The following PXDC1 variants were observed in gnomAD, a reference collection of about 807,000 sequenced individuals.
The protein encoded by PXDC1 is PX domain-containing protein 1.
A neutral mutation model predicts 24.4 loss-of-function variants in PXDC1; 13 were observed. The observed-to-expected ratio is 0.53, with a 90% CI of 0.35 to 0.85. The LOEUF is 0.85. Among genes scored for constraint, PXDC1 ranks in the 40% least tolerant of loss-of-function variants. PXDC1 has a pLI of 0.01. For synonymous variants in PXDC1, 162 were observed against 124.9 expected, an observed-to-expected ratio of 1.30 and a Z score of -1.98; for missense variants, 344 against 309.3, an observed-to-expected ratio of 1.11 and a Z score of -0.84.
chr6:3,751,216 C>T, intron 1 of PXDC1, 60 bp downstream of exon 1: 1 of 1,271,460 alleles, frequency 7.9e-7, no homozygotes, highest in Non-Finnish European at 1.0e-6. Flanking sequence ...TTCCCCGCCT[C>T]CTTCGTGCAC....
chr6:3,737,114 A>C lies in PXDC1; in HGVS notation c.431T>G (p.Ile144Ser), dbSNP rs761032040. Residue 144 changes from isoleucine to serine, a missense_variant, in exon 3 of 5, where the codon ATT becomes AGT. Coordinates refer to ENST00000380283, the MANE Select transcript of PXDC1 (RefSeq NM_183373.4). This position sits in a 1 kb window ranked among gnomAD's most constrained non-coding sequence, Gnocchi z 5.5. ...QVLKNDNVHK[I>S]QPSFQSPVKI... ...GACTGGACTTTGAAAGCTGGGTTGA[A>C]TTTTATGCACATTATCATTTTTTAA... The C allele has an allele frequency of 8.7e-6, 14 of 1,613,504 alleles. No homozygotes were observed. In the East Asian group the frequency reaches 3.1e-4, roughly 36 times the overall value.
At position 3,723,739 on chromosome 6, in the gene PXDC1, G is replaced by A; in HGVS notation, c.579-3C>T. The A allele has an allele frequency of 6.2e-7, 1 of 1,611,266 alleles. No homozygotes were observed. Among genetic ancestry groups the A allele is most frequent in the Non-Finnish European group, 8.5e-7 (1 of 1,177,364 alleles). Reference sequence around the variant, plus strand: ...GAAACTCACTGCCATTCTCAAATCTGAAATTAGAGAAACCAGAGGTGAGGG... The same window carrying A: ...GAAACTCACTGCCATTCTCAAATCTAAAATTAGAGAAACCAGAGGTGAGGG... On this transcript the variant is annotated splice_polypyrimidine_tract_variant and splice_region_variant and intron_variant, in intron 4 of 4. Transcript: ENST00000380283.
rs1048121512 is a variant in PXDC1, at chr6:3,751,441, G to A, written c.91C>T (p.Arg31Trp). The change falls in exon 1 of 5, where the codon CGG becomes TGG. Residue 31 changes from arginine to tryptophan, a missense_variant. Coordinates refer to ENST00000380283, the MANE Select transcript of PXDC1 (RefSeq NM_183373.4). ...AAGAACTCCTCTTCGTCGCCGCGCC[G>A]GCTGACGATGAGCCTGCGGATGCCG... is the stretch of plus-strand genomic sequence containing the variant. Reference protein sequence around the residue: ...VNGIRRLIVSRRGDEEEFFEI... With the variant: ...VNGIRRLIVSWRGDEEEFFEI... The A allele has an allele frequency of 1.3e-5, 20 of 1,595,538 alleles. No individual in the cohort carries two copies. The highest frequency in any genetic ancestry group is 1.7e-4 in the Middle Eastern group (1 of 6,044).
rs758857707 is a variant in PXDC1, at chr6:3,723,640, G to A, written c.675C>T (p.Phe225=). The A allele has an allele frequency of 2.3e-5, 37 of 1,613,864 alleles. No individual in the cohort carries two copies. The highest frequency in any genetic ancestry group is 2.7e-5 in the Non-Finnish European group (32 of 1,179,868). Residue 225 remains phenylalanine (F), a synonymous_variant, in exon 5 of 5, where the codon TTC becomes TTT. Transcript: ENST00000380283. ...AGGTTCAGTCCCAAATGTCTGTCTC[G>A]AAGGGGACCAGGTGGTAATATGACA... ...TNLSYYHLVP[F]ETDIWD
In PXDC1 at chr6:3,751,496, C is replaced by T. The variant is rs1210604642; in HGVS notation, c.36G>A (p.Val12=). 3.7e-6 allele frequency: 6 copies of T among 1,603,016 alleles called. No homozygotes were observed. The highest frequency in any genetic ancestry group is 2.3e-5 in the East Asian group (1 of 44,346). The change falls in exon 1 of 5, where the codon GTG becomes GTA. Residue 12 remains valine (V), a synonymous_variant. Coordinates refer to ENST00000380283, the MANE Select transcript of PXDC1 (RefSeq NM_183373.4). Reference sequence around the variant, plus strand: ...CCCAGCAGCCGCGCACGAACATGTTCACGAGCGACGTGCCCTCAAACACCG... The same window carrying T: ...CCCAGCAGCCGCGCACGAACATGTTTACGAGCGACGTGCCCTCAAACACCG... ...ASAVFEGTSL[V]NMFVRGCWVN...
chr6:3,738,194 A>T, intron 1 of PXDC1, 46 bp from the exon 2 acceptor site: 3 of 1,448,822 alleles, frequency 2.1e-6, no homozygotes, highest in Non-Finnish European at 2.9e-6. Flanking sequence ...GCACACCAGG[A>T]AACGCGCTCC....
chr6:3,731,472 C>A (rs751960372), intron 3 of PXDC1, among the ~76,000 whole-genome samples: 3 of 152,258 alleles, frequency 2.0e-5, no homozygotes. Flanking sequence ...ACATACATGA[C>A]TGATTCCATG....
At chr6:3,733,493 C>G (rs1458830622) in intron 3 of PXDC1, among the ~76,000 whole-genome samples, 2 of 152,174 alleles carry the variant, frequency 1.3e-5, no homozygotes, top group Non-Finnish European at 2.9e-5. Flanking sequence ...AAGAAGCTCC[C>G]TTAGACACAG....
At chr6:3,729,504 C>A (rs1242621507) in intron 3 of PXDC1, among the ~76,000 whole-genome samples, 1 of 152,148 alleles carries the variant, frequency 6.6e-6, no homozygotes, top group Non-Finnish European at 1.5e-5. Flanking sequence ...GGCTGCAGGT[C>A]CTGAGAAGGA....
intron 3 of PXDC1, 45 bp from the exon 4 acceptor site, chr6:3,727,707 C>G: frequency 7.3e-7 from 1 of 1,365,472 alleles, no homozygotes; most frequent in Non-Finnish European, 1.0e-6. Context: ...GGGGTCGGAG[C>G]TTGAGGTTTT....
intron 3 of PXDC1, among the ~76,000 whole-genome samples, chr6:3,734,885 G>T (rs982160738): frequency 6.6e-6 from 1 of 152,124 alleles, no homozygotes; most frequent in Admixed American, 6.5e-5. Context: ...AGGAGTTTCA[G>T]ACCAGCTTGG....
At chr6:3,749,467 A>T (rs1171219164) in intron 1 of PXDC1, among the ~76,000 whole-genome samples, 1 of 146,316 alleles carries the variant, frequency 6.8e-6, no homozygotes, top group East Asian at 2.0e-4. Flanking sequence ...CTGCGTGTCC[A>T]CACAGCTTGT....
Position 3,737,329 on chromosome 6 carries a change from C to T in PXDC1, c.349-133G>A. 2 of 682,614 alleles carry T rather than the reference C, an allele frequency of 2.9e-6. No homozygotes were observed. 42.3% of individuals were successfully genotyped at this position (682,614 alleles called of 1,614,324 possible). A position where few individuals can be genotyped will look rare whatever the true frequency, so the allele number is the denominator to read the frequency against. ...CAAACGCCCCATGAATGTCCAGATG[C>T]TCCCATGGCTGGCCGCAGGGGCGGG... is the stretch of plus-strand genomic sequence containing the variant. On this transcript the variant is annotated intron_variant, in intron 2 of 4. Coordinates refer to ENST00000380283, the MANE Select transcript of PXDC1 (RefSeq NM_183373.4). This position sits in a 1 kb window ranked among gnomAD's most constrained non-coding sequence, Gnocchi z 5.5.
At position 3,728,189 on chromosome 6, in the gene PXDC1, C is replaced by T. The variant is rs1290149296; in HGVS notation, c.467-527G>A. On this transcript the variant is annotated intron_variant, in intron 3 of 4. Transcript: ENST00000380283. The surrounding 1 kb of genome is among the most constrained non-coding windows in gnomAD (Gnocchi z 4.0). The stretch of plus-strand genomic sequence containing the variant: ...GGGTTACAGGTGGGTCTTGGTTACA[C>T]GGATAAGTTCTTTAGCGGTGATTTC... 6.6e-6 allele frequency among the ~76,000 whole-genome samples: 1 copy of T among 152,136 alleles called. No homozygotes were observed. Among genetic ancestry groups the T allele is most frequent in the African/African-American group, 2.4e-5 (1 of 41,408 alleles).
At position 3,724,501 on chromosome 6, in the gene PXDC1, A is replaced by C. The variant is rs1184291656; in HGVS notation, c.579-765T>G. On this transcript the variant is annotated intron_variant, in intron 4 of 4. Coordinates refer to ENST00000380283, the MANE Select transcript of PXDC1 (RefSeq NM_183373.4). The surrounding 1 kb of genome is among the most constrained non-coding windows in gnomAD (Gnocchi z 4.5). ...GGTCTTTAAAAATGCGTAACAGAGA[A>C]AAGCACAAGAAGGACATTCTCCCCA... 2.0e-5 allele frequency among the ~76,000 whole-genome samples: 3 copies of C among 152,210 alleles called. No individual in the cohort carries two copies. The highest frequency in any genetic ancestry group is 4.4e-5 in the Non-Finnish European group (3 of 68,036).
intron 1 of PXDC1, among the ~76,000 whole-genome samples, chr6:3,747,320 T>TG (rs1268307431): frequency 6.6e-6 from 1 of 152,116 alleles, no homozygotes; most frequent in African/African-American, 2.4e-5. Flanking sequence ...TCCCACCTGC[T>TG]CTGCTGCACC....
At chr6:3,750,300 G>A (rs953102004) in intron 1 of PXDC1, among the ~76,000 whole-genome samples, 1 of 152,202 alleles carries the variant, frequency 6.6e-6, no homozygotes, top group South Asian at 2.1e-4. Context: ...CTGCTTAGAG[G>A]AGGACTGCAG....
chr6:3,749,837 A>T (rs1316150091), intron 1 of PXDC1, among the ~76,000 whole-genome samples: 5 of 152,196 alleles, frequency 3.3e-5, no homozygotes, highest in Admixed American at 3.3e-4. Flanking sequence ...GACCACAGTG[A>T]AGCTCAGGGA....
At position 3,737,033 on chromosome 6, in the gene PXDC1, C is replaced by A; in HGVS notation, c.466+46G>T. The A allele has an allele frequency of 8.8e-7, 1 of 1,134,242 alleles. No homozygotes were observed. 70.3% of individuals were successfully genotyped at this position (1,134,242 alleles called of 1,614,324 possible). A position where few individuals can be genotyped will look rare whatever the true frequency, so the allele number is the denominator to read the frequency against. ...TGTGAGGGTTTCTGTGACATCTCAG[C>A]CTCAACAGCAGTCCCTCCCACCAAC... On this transcript the variant is annotated intron_variant, in intron 3 of 4. Transcript: ENST00000380283. The surrounding 1 kb of genome is among the most constrained non-coding windows in gnomAD (Gnocchi z 5.5).
Sources: allele counts gnomAD v4.1 joint callset (sites outside exome capture counted in the v4.1 genomes callset), GRCh38; gene constraint gnomAD v4.1.1; non-coding constraint Gnocchi (gnomAD v3.1); transcripts MANE v1.5; gene names NCBI Gene and HGNC (gene_info 2026-07-23, HGNC 2026-07-21).